FLI1: variants seen among roughly 807,000 people sequenced by gnomAD.
FLI1 encodes the protein Fli-1 proto-oncogene, ETS transcription factor, also known as Friend leukemia integration 1 transcription factor.
FLI1 carries 13 observed loss-of-function variants against 53.1 expected under a neutral mutation model. The observed-to-expected ratio is 0.24, with a 90% CI of 0.16 to 0.39. The LOEUF (loss-of-function observed/expected upper bound fraction) is 0.39, where lower values mean the gene tolerates loss of function less well. Ranked by LOEUF, FLI1 falls within the 10% of genes least tolerant of loss-of-function variation. The pLI is 1.00. For synonymous variants in FLI1, 244 were observed against 236.7 expected (o/e 1.03, Z -0.28); for missense variants, 424 against 600.5 (o/e 0.71, Z 3.07).
upstream of FLI1, chr11:128,693,648 G>A (rs1321160770): frequency 4.4e-6 from 1 of 229,730 alleles, no homozygotes; most frequent in African/African-American, 2.2e-5. Context: ...AAGCAAAGAA[G>A]CCAAAGGTCT....
intron 1 of FLI1, among the ~76,000 whole-genome samples, chr11:128,724,105 G>A (rs983767090): frequency 2.0e-5 from 3 of 151,978 alleles, no homozygotes; most frequent in African/African-American, 7.3e-5. Context: ...ACCACTCCAG[G>A]CTAAGTTGTT....
intron 1 of FLI1, among the ~76,000 whole-genome samples, chr11:128,715,033 C>T (rs1001429198): frequency 1.3e-5 from 2 of 152,116 alleles, no homozygotes; most frequent in Non-Finnish European, 2.9e-5. Context: ...CACTTGACTT[C>T]CACCACAGCC....
intron 1 of FLI1, among the ~76,000 whole-genome samples, chr11:128,733,430 G>A (rs923399395): frequency 1.5e-4 from 23 of 152,030 alleles, no homozygotes; most frequent in African/African-American, 5.6e-4. Context: ...AAGCATCTCA[G>A]TAGCTCTACA....
At position 128,697,600 on chromosome 11, in the gene FLI1, G is replaced by A. The variant is rs7946747; in HGVS notation, c.18+3324G>A. 9.0e-3 allele frequency among the ~76,000 whole-genome samples: 1,374 copies of A among 152,260 alleles called. 18 individuals carry two copies. Among genetic ancestry groups the A allele is most frequent in the African/African-American group, 0.031 (1,302 of 41,542 alleles). The stretch of plus-strand genomic sequence containing the variant: ...TCCTTATCTAGAAAATGGGGCCAAA[G>A]CACCTCCTTGCCACAAGTCACAGGA... On this transcript the variant is annotated intron_variant, in intron 1 of 8. Transcript: ENST00000527786.
intron 1 of FLI1, among the ~76,000 whole-genome samples, chr11:128,725,331 A>G (rs1939426791): frequency 6.6e-6 from 1 of 152,162 alleles, no homozygotes; most frequent in African/African-American, 2.4e-5. Flanking sequence ...CAACCTGCAC[A>G]TGTCAGTGCA....
intron 1 of FLI1, among the ~76,000 whole-genome samples, chr11:128,757,819 C>T (rs1047368155): frequency 9.2e-5 from 14 of 152,328 alleles, no homozygotes; most frequent in Non-Finnish European, 7.4e-5. Flanking sequence ...CTTGGCCTCC[C>T]TATCCCCACC....
intron 4 of FLI1, among the ~76,000 whole-genome samples, chr11:128,774,196 A>C (rs2135847299): frequency 6.6e-6 from 1 of 152,266 alleles, no homozygotes; most frequent in East Asian, 1.9e-4. Context: ...GGAGAAATGA[A>C]AAATCAAAAA....
intron 4 of FLI1, among the ~76,000 whole-genome samples, chr11:128,780,676 ACGC>A (rs1941887110): frequency 6.6e-6 from 1 of 152,196 alleles, no homozygotes; most frequent in Non-Finnish European, 1.5e-5. Context: ...ACACAACCAA[ACGC>A]CCACAGCTGG....
chr11:128,765,141 C>T (rs753203670), intron 2 of FLI1, among the ~76,000 whole-genome samples: 3 of 152,144 alleles, frequency 2.0e-5, no homozygotes, highest in Non-Finnish European at 4.4e-5. Flanking sequence ...TGAGTGGCAG[C>T]GGCCACCCCA....
upstream of FLI1, among the ~76,000 whole-genome samples, chr11:128,691,243 T>C (rs527362725): frequency 1.3e-5 from 2 of 152,224 alleles, no homozygotes; most frequent in East Asian, 3.9e-4. Context: ...TTAAACAGGG[T>C]AGACTTGTTT....
At chr11:128,719,356 C>CGTGTGTGTGTGTGTGT (rs56336914) in intron 1 of FLI1, among the ~76,000 whole-genome samples, 90 of 145,302 alleles carry the variant, frequency 6.2e-4, no homozygotes, top group Non-Finnish European at 9.4e-4. Flanking sequence ...CCCCTTTTCC[C>CGTGTGTGTGTGTGTGT]GTGTGTGTGT....
chr11:128,789,537 A>T (rs1942202204), intron 5 of FLI1, among the ~76,000 whole-genome samples: 1 of 152,146 alleles, frequency 6.6e-6, no homozygotes, highest in African/African-American at 2.4e-5. Context: ...ATTCTCCGTA[A>T]CTCAAAAAAT....
In FLI1 at chr11:128,810,452, C is replaced by T. The variant is rs372948396; in HGVS notation, c.830-7C>T. 22 of 1,585,024 alleles carry T rather than the reference C, an allele frequency of 1.4e-5. No individual in the cohort carries two copies. Among genetic ancestry groups the T allele is most frequent in the African/African-American group, 1.3e-4 (10 of 74,284 alleles). Reference sequence around the variant, plus strand: ...CTGTTCTCTCCCGTTTGCCTCACGGCGTGCAGGAAGCGGGCAGATCCAGCT... The same window carrying T: ...CTGTTCTCTCCCGTTTGCCTCACGGTGTGCAGGAAGCGGGCAGATCCAGCT... On this transcript the variant is annotated splice_polypyrimidine_tract_variant and splice_region_variant and intron_variant, in intron 8 of 8. Transcript: ENST00000527786. The surrounding 1 kb of genome is among the most constrained non-coding windows in gnomAD (Gnocchi z 6.6).
chr11:128,782,778 A>G (rs375715817), intron 5 of FLI1, among the ~76,000 whole-genome samples: 39 of 152,326 alleles, frequency 2.6e-4, no homozygotes, highest in South Asian at 1.2e-3. Flanking sequence ...TTTTGCTGAG[A>G]AAGAAAACTT....
chr11:128,736,307 T>C (rs974529993), intron 1 of FLI1, among the ~76,000 whole-genome samples: 4 of 152,242 alleles, frequency 2.6e-5, no homozygotes, highest in Non-Finnish European at 4.4e-5. Context: ...TTTGGAATCT[T>C]AAGAAACTTC....
At chr11:128,746,301 C>T (rs930855352) in intron 1 of FLI1, among the ~76,000 whole-genome samples, 2 of 152,080 alleles carry the variant, frequency 1.3e-5, no homozygotes, top group Admixed American at 1.3e-4. Context: ...AATTTGTCCT[C>T]GAGAAAAAGA....
At chr11:128,794,682 A>C (rs1049350162) in intron 5 of FLI1, among the ~76,000 whole-genome samples, 2 of 152,236 alleles carry the variant, frequency 1.3e-5, no homozygotes, top group African/African-American at 4.8e-5. Context: ...TCCTTGTTGG[A>C]GAAAAGAAAG....
intron 1 of FLI1, among the ~76,000 whole-genome samples, chr11:128,721,715 G>T (rs139391532): frequency 6.6e-6 from 1 of 152,162 alleles, no homozygotes; most frequent in Non-Finnish European, 1.5e-5. Context: ...GGGATTTCCT[G>T]TTTCTAAGAA....
intron 3 of FLI1, among the ~76,000 whole-genome samples, chr11:128,769,846 G>A (rs781651675): frequency 1.1e-4 from 16 of 152,290 alleles, no homozygotes; most frequent in Non-Finnish European, 2.4e-4. Flanking sequence ...TTTAGCCCAG[G>A]TGTATCGTCT....
Sources: gnomAD v4.1 joint callset for allele counts (sites outside exome capture counted in the v4.1 genomes callset) on GRCh38, gnomAD v4.1.1 for gene constraint, Gnocchi (gnomAD v3.1) non-coding constraint, MANE v1.5 for transcripts, NCBI Gene and HGNC (gene_info 2026-07-23, HGNC 2026-07-21) for gene names.